The following DNAH10 variants were observed in gnomAD, a reference collection of about 807,000 sequenced individuals.
DNAH10 encodes dynein axonemal heavy chain 10.
In DNAH10, 348 loss-of-function variants were observed where a neutral mutation model predicts 506.6. The ratio of observed to expected loss-of-function variants is 0.69; its 90% CI spans 0.63 to 0.75. The LOEUF is 0.75. Among genes scored for constraint, DNAH10 ranks in the 30% least tolerant of loss-of-function variants. The probability of loss-of-function intolerance (pLI) is 0.00; values close to 1 mark genes in which losing one functional copy is unlikely to be tolerated. For missense variants in DNAH10, 5,179 were observed against 5,787.1 expected, an observed-to-expected ratio of 0.89 and a Z score of 3.41; for synonymous variants, 2,059 against 2,198.6, an observed-to-expected ratio of 0.94 and a Z score of 1.78.
At chr12:123,790,204 G>A in intron 11 of DNAH10, 83 bp downstream of exon 11, 2 of 1,340,234 alleles carry the variant, frequency 1.5e-6, no homozygotes, top group Non-Finnish European at 1.0e-6. Context: ...ATTTAGTGAT[G>A]CTTAGTCTTT....
In DNAH10 at chr12:123,796,850, G is replaced by T; in HGVS notation, c.2163+18G>T. 6.4e-7 allele frequency: 1 copy of T among 1,561,914 alleles called. No individual in the cohort carries two copies. Among genetic ancestry groups the T allele is most frequent in the Non-Finnish European group, 8.6e-7 (1 of 1,156,316 alleles). On this transcript the variant is annotated intron_variant, in intron 13 of 78. Transcript: ENST00000673944. ...GACAGGAGGTATGTTGCTCTTGCTAGAATTGGCTCCTTTTGTATTTGATTT... is the reference window on the plus strand; with the variant it reads ...GACAGGAGGTATGTTGCTCTTGCTATAATTGGCTCCTTTTGTATTTGATTT...
Position 123,845,755 on chromosome 12 carries a change from A to T in DNAH10, c.5516A>T (p.Glu1839Val). 1 of 1,613,924 alleles carries T rather than the reference A, an allele frequency of 6.2e-7. No homozygotes were observed. The highest frequency in any genetic ancestry group is 8.5e-7 in the Non-Finnish European group (1 of 1,179,876). The change falls in exon 31 of 79, where the codon GAG (glutamate) becomes GTG (valine). Residue 1839 changes from glutamate to valine, a missense_variant. Glu to Val is a moderately radical substitution (Grantham distance 121, BLOSUM62 -2). Transcript: ENST00000673944. Reference sequence around the variant, plus strand: ...AGGAAAATGCACCGGCAGATCGATGAGTTGGTAACGCGCATCACCATGCCG... The same window carrying T: ...AGGAAAATGCACCGGCAGATCGATGTGTTGGTAACGCGCATCACCATGCCG... The part of the protein sequence containing the change: ...YGRKMHRQID[E>V]LVTRITMPLS...
chr12:123,848,658 A>G lies in DNAH10; in HGVS notation c.5950-72A>G, dbSNP rs1342202231. The G allele has an allele frequency of 7.0e-6, 11 of 1,564,474 alleles. No individual in the cohort carries two copies. The South Asian group carries it at 1.0e-4, about 15-fold the overall frequency. On this transcript the variant is annotated intron_variant, in intron 33 of 78. Coordinates refer to ENST00000673944, the MANE Select transcript of DNAH10 (RefSeq NM_001372106.1). ...CATTGTTTGCTTTAATTTAGAAAAT[A>G]TATCCATAAATGTGTTGCTTGCAGT...
chr12:123,848,321 T>G (rs10773040), intron 33 of DNAH10, among the ~76,000 whole-genome samples: 4 of 152,022 alleles, frequency 2.6e-5, no homozygotes, highest in Non-Finnish European at 4.4e-5. Flanking sequence ...AGGGTCAGGT[T>G]GATAATGTAC....
At chr12:123,924,104 C>T (rs1954838983) in intron 66 of DNAH10, 174 bp from the exon 67 acceptor site, 1 of 887,972 alleles carries the variant, frequency 1.1e-6, no homozygotes. Context: ...GGATGCTGCA[C>T]TGAGCGCCTG....
intron 45 of DNAH10, among the ~76,000 whole-genome samples, chr12:123,871,948 C>T (rs1325524515): frequency 1.3e-5 from 2 of 152,228 alleles, no homozygotes; most frequent in Non-Finnish European, 2.9e-5. Context: ...GATGGCAAAG[C>T]AGATGCTATG....
chr12:123,858,433 T>A (rs1264882586), intron 37 of DNAH10, among the ~76,000 whole-genome samples: 1 of 152,188 alleles, frequency 6.6e-6, no homozygotes, highest in East Asian at 1.9e-4. Flanking sequence ...GTGCTTTTCC[T>A]GACCCTGATT....
intron 47 of DNAH10, among the ~76,000 whole-genome samples, chr12:123,876,005 T>C (rs1308224965): frequency 6.6e-6 from 1 of 152,268 alleles, no homozygotes; most frequent in Non-Finnish European, 1.5e-5. Context: ...CATTGGTTAC[T>C]AGTTACTGCT....
chr12:123,928,867 C>CG lies in DNAH10; in HGVS notation c.12306+280_12306+281insG. On this transcript the variant is annotated intron_variant, in intron 70 of 78. Transcript: ENST00000673944. This position sits in a 1 kb window ranked among gnomAD's most constrained non-coding sequence, Gnocchi z 4.9. ...TCATAAACTTCACGGCCCCCCCCCC[C>CG]ACACACAGCCTGCAGTTCGCTAGTG... is the stretch of plus-strand genomic sequence containing the variant. 1 of 402,806 alleles carries CG rather than the reference C, an allele frequency of 2.5e-6. No homozygotes were observed. The highest frequency in any genetic ancestry group is 3.2e-5 in the South Asian group (1 of 31,032). The allele number at this position is 402,806 out of a possible 1,614,324, so 25.0% of individuals were successfully genotyped here.
At chr12:123,788,935 A>AG (rs1273018792) in intron 10 of DNAH10, among the ~76,000 whole-genome samples, 1 of 151,630 alleles carries the variant, frequency 6.6e-6, no homozygotes, top group East Asian at 2.0e-4. Context: ...AAAAAAAAAA[A>AG]AAAAAAAAGA....
At chr12:123,908,230 G>C in intron 57 of DNAH10, 1 of 419,206 alleles carries the variant, frequency 2.4e-6, no homozygotes, top group Admixed American at 2.5e-5. Context: ...CTGTCTTCCT[G>C]TCTCCTCCCT....
intron 30 of DNAH10, among the ~76,000 whole-genome samples, chr12:123,842,228 C>T (rs1950800698): frequency 6.6e-6 from 1 of 152,204 alleles, no homozygotes; most frequent in Non-Finnish European, 1.5e-5. Context: ...GAACCCCTGA[C>T]TTAGTGAACC....
At chr12:123,768,481 C>T (rs926359532) in intron 2 of DNAH10, among the ~76,000 whole-genome samples, 3 of 152,132 alleles carry the variant, frequency 2.0e-5, no homozygotes, top group Admixed American at 6.6e-5. Context: ...GGATTTTGGG[C>T]CCACTCTAAT....
chr12:123,845,493 C>G, intron 30 of DNAH10, 107 bp from the exon 31 acceptor site: 1 of 1,445,558 alleles, frequency 6.9e-7, no homozygotes. Context: ...AAAACCTTTA[C>G]TTTGCCCTCC....
chr12:123,774,036 A>C, intron 4 of DNAH10, 113 bp from the exon 5 acceptor site: 1 of 726,206 alleles, frequency 1.4e-6, no homozygotes, highest in East Asian at 2.5e-5. Flanking sequence ...CTGTAACCAG[A>C]ACATTCCTTG....
At chr12:123,893,648 C>T (rs1213414260) in intron 53 of DNAH10, among the ~76,000 whole-genome samples, 1 of 152,202 alleles carries the variant, frequency 6.6e-6, no homozygotes, top group Non-Finnish European at 1.5e-5. Flanking sequence ...GAGGATGTAC[C>T]CATGCTCCTC....
At chr12:123,803,885 C>A in intron 17 of DNAH10, 60 bp downstream of exon 17, 1 of 1,500,954 alleles carries the variant, frequency 6.7e-7, no homozygotes, top group South Asian at 1.2e-5. Context: ...ATTGTATATA[C>A]ATACATGTGT....
At chr12:123,839,033 C>CTAACTCCTGAGCT (rs973310049) in intron 29 of DNAH10, among the ~76,000 whole-genome samples, 1 of 152,098 alleles carries the variant, frequency 6.6e-6, no homozygotes, top group African/African-American at 2.4e-5. Flanking sequence ...GGGCTGGTCT[C>CTAACTCCTGAGCT]TAACTCCTGA....
In DNAH10 at chr12:123,793,994, G is replaced by A. The variant is rs1263603129; in HGVS notation, c.1868G>A (p.Arg623Gln). The change falls in exon 12 of 79, where the codon CGA becomes CAA. Residue 623 changes from arginine (R) to glutamine (Q), a missense_variant. Transcript: ENST00000673944. The part of the protein sequence containing the change: ...HFIDESFKTL[R>Q]SAEAAFDMLL... Reference sequence around the variant, plus strand: ...ATTGATGAATCTTTTAAGACGCTTCGATCTGCTGAAGCAGCATTTGACATG... The same window carrying A: ...ATTGATGAATCTTTTAAGACGCTTCAATCTGCTGAAGCAGCATTTGACATG... The A allele has an allele frequency of 6.3e-6, 8 of 1,276,854 alleles. No homozygotes were observed. Among genetic ancestry groups the A allele is most frequent in the African/African-American group, 4.6e-5 (3 of 65,636 alleles). The allele number at this position is 1,276,854 out of a possible 1,614,324, so 79.1% of individuals were successfully genotyped here.
Sources: gnomAD v4.1 joint callset for allele counts (sites outside exome capture counted in the v4.1 genomes callset) on GRCh38, gnomAD v4.1.1 for gene constraint, Gnocchi (gnomAD v3.1) non-coding constraint, MANE v1.5 for transcripts, NCBI Gene and HGNC (gene_info 2026-07-23, HGNC 2026-07-21) for gene names.